SGMS1: variants seen among roughly 807,000 people sequenced by gnomAD.
SGMS1 encodes the protein sphingomyelin synthase 1.
In SGMS1, 13 loss-of-function variants were observed where a neutral mutation model predicts 46.2. The ratio of observed to expected loss-of-function variants is 0.28; its 90% confidence interval spans 0.18 to 0.45. The LOEUF (loss-of-function observed/expected upper bound fraction) is 0.45. Ranked by LOEUF, SGMS1 falls within the 20% of genes least tolerant of loss-of-function variation. The pLI is 1.00. For synonymous variants in SGMS1, 203 were observed against 187.8 expected, an observed-to-expected ratio of 1.08 and a Z score of -0.66; for missense variants, 324 against 519.9, an observed-to-expected ratio of 0.62 and a Z score of 3.66.
chr10:50,411,392 A>G (rs1849098293), intron 6 of SGMS1, among the ~76,000 whole-genome samples: 2 of 152,166 alleles, frequency 1.3e-5, no homozygotes, highest in Admixed American at 1.3e-4. Context: ...AAAGGGGGGA[A>G]AAAAACAATT....
chr10:50,416,584 G>C (rs1203092538), intron 6 of SGMS1, among the ~76,000 whole-genome samples: 1 of 152,092 alleles, frequency 6.6e-6, no homozygotes, highest in Non-Finnish European at 1.5e-5. Context: ...CTGTCTCAGT[G>C]ACTTGAGAAC....
At chr10:50,335,006 T>C (rs769595823) in intron 7 of SGMS1, 3 of 152,260 alleles carry the variant, frequency 2.0e-5, no homozygotes, top group South Asian at 2.1e-4. Context: ...ATCAAGGGAG[T>C]ACAGGGCATG....
intron 8 of SGMS1, among the ~76,000 whole-genome samples, chr10:50,322,506 T>C (rs1028444752): frequency 2.0e-5 from 3 of 152,176 alleles, no homozygotes; most frequent in African/African-American, 7.2e-5. Context: ...GCCCCTTTTC[T>C]AAAGAAACCA....
intron 2 of SGMS1, among the ~76,000 whole-genome samples, chr10:50,575,666 T>C (rs1260934589): frequency 2.0e-5 from 3 of 148,870 alleles, no homozygotes; most frequent in East Asian, 4.6e-4. Context: ...ATGTTTATTA[T>C]CTCGACTGTG....
At chr10:50,362,604 A>G (rs1486331676) in intron 6 of SGMS1, among the ~76,000 whole-genome samples, 1 of 152,236 alleles carries the variant, frequency 6.6e-6, no homozygotes, top group Non-Finnish European at 1.5e-5. Flanking sequence ...TAGGACTCCC[A>G]TGGAAAAAGT....
rs772714345 is a variant in SGMS1 at position 50,344,037 on chromosome 10, C to T, written c.78G>A (p.Glu26=). ...LLENAMPEYC[E]PLEHFTGQDL... ...CCTGGCCTGTGAAATGCTCCAGAGG[C>T]TCACAGTATTCTGGCATAGCATTCT... is the stretch of plus-strand genomic sequence containing the variant. Residue 26 remains glutamate (E), a synonymous_variant, in exon 7 of 11, where the codon GAG becomes GAA. Coordinates refer to ENST00000361781, the MANE Select transcript of SGMS1 (RefSeq NM_147156.4). 2.8e-5 allele frequency: 46 copies of T among 1,614,054 alleles called. No individual in the cohort carries two copies. Among genetic ancestry groups the T allele is most frequent in the Middle Eastern group, 1.6e-4 (1 of 6,080 alleles).
intron 6 of SGMS1, among the ~76,000 whole-genome samples, chr10:50,405,980 A>G (rs958125984): frequency 6.6e-6 from 1 of 152,192 alleles, no homozygotes; most frequent in Admixed American, 6.5e-5. Context: ...TTCTAAGGAA[A>G]ATGATGAAGT....
intron 2 of SGMS1, among the ~76,000 whole-genome samples, chr10:50,539,063 C>T (rs77598782): frequency 0.011 from 1,658 of 152,348 alleles, 24 homozygotes; most frequent in African/African-American, 0.039. Flanking sequence ...TCAGGGCAAG[C>T]GTTCTTGCCA....
intron 6 of SGMS1, among the ~76,000 whole-genome samples, chr10:50,349,556 C>T (rs1487022009): frequency 1.3e-5 from 2 of 149,902 alleles, no homozygotes; most frequent in Non-Finnish European, 3.0e-5. Context: ...CTGTGTCCCA[C>T]CCAAATCTCA....
chr10:50,347,235 T>C (rs765215631), intron 6 of SGMS1, among the ~76,000 whole-genome samples: 3 of 152,168 alleles, frequency 2.0e-5, no homozygotes, highest in Non-Finnish European at 4.4e-5. Context: ...CAGAAGATAA[T>C]CAATGTCTGC....
chr10:50,343,054 C>T (rs1847845148), intron 7 of SGMS1: 1 of 155,556 alleles, frequency 6.4e-6, no homozygotes, highest in Non-Finnish European at 1.4e-5. Context: ...TCTTTAAATA[C>T]ATATTGCTAA....
intron 6 of SGMS1, among the ~76,000 whole-genome samples, chr10:50,377,231 C>G (rs1848534065): frequency 6.6e-6 from 1 of 152,196 alleles, no homozygotes; most frequent in African/African-American, 2.4e-5. Flanking sequence ...CAGAAGGCAT[C>G]TCAGGGTGAG....
At chr10:50,466,454 C>A (rs1332283679) in intron 4 of SGMS1, among the ~76,000 whole-genome samples, 1 of 152,094 alleles carries the variant, frequency 6.6e-6, no homozygotes, top group Non-Finnish European at 1.5e-5. Flanking sequence ...TAACATTATG[C>A]AAATGATTAC....
intron 3 of SGMS1, among the ~76,000 whole-genome samples, chr10:50,502,627 T>C (rs754295245): frequency 1.5e-4 from 23 of 152,306 alleles, no homozygotes; most frequent in Non-Finnish European, 2.4e-4. Context: ...TTTAAAATTG[T>C]GCAGATACAA....
intron 2 of SGMS1, among the ~76,000 whole-genome samples, chr10:50,553,851 C>T (rs1838169297): frequency 6.6e-6 from 1 of 152,148 alleles, no homozygotes; most frequent in Admixed American, 6.5e-5. Context: ...TACTGATGCT[C>T]CACTAGATAG....
chr10:50,520,867 T>C (rs1837851543), intron 2 of SGMS1, among the ~76,000 whole-genome samples: 1 of 152,164 alleles, frequency 6.6e-6, no homozygotes, highest in African/African-American at 2.4e-5. Context: ...CTTTAAATCA[T>C]AGTTATACTT....
intron 6 of SGMS1, among the ~76,000 whole-genome samples, chr10:50,353,817 C>A (rs1312608162): frequency 1.3e-5 from 2 of 152,016 alleles, no homozygotes; most frequent in East Asian, 3.8e-4. Flanking sequence ...AGAGCCAAAT[C>A]ATGAGTGAAC....
At chr10:50,427,113 T>A (rs2133606752) in intron 6 of SGMS1, among the ~76,000 whole-genome samples, 2 of 152,294 alleles carry the variant, frequency 1.3e-5, no homozygotes, top group Middle Eastern at 3.4e-3. Context: ...ATCAAAGAAC[T>A]TACGGCCGGG....
At position 50,392,879 on chromosome 10, in the gene SGMS1, C is replaced by A. The variant is rs1287439982; in HGVS notation, c.-232+40597G>T. ...GATATGGAGTTCATTCTACTATTCA[C>A]TTTACATTCTGTGTTTTTTTAAACT... On this transcript the variant is annotated intron_variant, in intron 6 of 10. Coordinates refer to ENST00000361781, the MANE Select transcript of SGMS1 (RefSeq NM_147156.4). Among the ~76,000 whole-genome samples, 10 of 152,006 alleles carry A rather than the reference C, an allele frequency of 6.6e-5. No individual in the cohort carries two copies. In the South Asian group the frequency reaches 1.9e-3, roughly 28 times the overall value.
Sources: gnomAD v4.1 joint callset for allele counts (sites outside exome capture counted in the v4.1 genomes callset) on GRCh38, gnomAD v4.1.1 for gene constraint, MANE v1.5 for transcripts, NCBI Gene and HGNC (gene_info 2026-07-23, HGNC 2026-07-21) for gene names.